The following STK32B variants were observed in gnomAD, a reference collection of about 807,000 sequenced individuals.
STK32B encodes serine/threonine kinase 32B, also known as serine/threonine-protein kinase 32B.
In STK32B, 43 loss-of-function variants were observed where a neutral mutation model predicts 52.6. The observed-to-expected ratio is 0.82, with a 90% CI of 0.64 to 1.05. STK32B has a LOEUF of 1.05. STK32B is among the 50% of genes least tolerant of loss of function. The pLI is 0.00. For synonymous variants in STK32B, 238 were observed against 204.3 expected (o/e 1.17, Z -1.41); for missense variants, 621 against 534.6 (o/e 1.16, Z -1.59).
chr4:5,098,129 C>T (rs552658880), intron 1 of STK32B, among the ~76,000 whole-genome samples: 2 of 152,368 alleles, frequency 1.3e-5, no homozygotes, highest in South Asian at 4.1e-4. Flanking sequence ...GTCTCCAATT[C>T]AGCCCAAATG....
At chr4:5,145,259 A>G (rs906115010) in intron 2 of STK32B, among the ~76,000 whole-genome samples, 2 of 152,200 alleles carry the variant, frequency 1.3e-5, no homozygotes, top group Non-Finnish European at 1.5e-5. Context: ...CCCACACATC[A>G]ATCCATCTTA....
intron 2 of STK32B, among the ~76,000 whole-genome samples, chr4:5,167,148 T>C (rs948974671): frequency 3.9e-5 from 6 of 152,134 alleles, no homozygotes; most frequent in African/African-American, 1.4e-4. Context: ...CCCCCTGGTT[T>C]TGATCCTGCG....
At chr4:5,322,339 G>A (rs935854582) in intron 3 of STK32B, among the ~76,000 whole-genome samples, 1 of 152,094 alleles carries the variant, frequency 6.6e-6, no homozygotes, top group East Asian at 1.9e-4. Context: ...CTCTCTTGCT[G>A]GCTGTTACAT....
At chr4:5,427,873 A>T (rs1490583036) in intron 6 of STK32B, among the ~76,000 whole-genome samples, 1 of 150,338 alleles carries the variant, frequency 6.7e-6, no homozygotes, top group Non-Finnish European at 1.5e-5. Context: ...GATTTTCTCT[A>T]TTATTTTTCT....
At chr4:5,189,772 C>A (rs947339911) in intron 3 of STK32B, among the ~76,000 whole-genome samples, 3 of 152,224 alleles carry the variant, frequency 2.0e-5, no homozygotes, top group Non-Finnish European at 4.4e-5. Flanking sequence ...GGATTCCCAC[C>A]AGGGAGGAAT....
At chr4:5,228,228 T>G (rs1724002986) in intron 3 of STK32B, among the ~76,000 whole-genome samples, 1 of 152,172 alleles carries the variant, frequency 6.6e-6, no homozygotes, top group Admixed American at 6.5e-5. Flanking sequence ...GCAAGTCCAG[T>G]CATATCTCTT....
chr4:5,352,435 A>G (rs1161938464), intron 4 of STK32B, among the ~76,000 whole-genome samples: 1 of 151,946 alleles, frequency 6.6e-6, no homozygotes, highest in Non-Finnish European at 1.5e-5. Flanking sequence ...GGCATAGAAG[A>G]AACATCCCTC....
the STK32B span, among the ~76,000 whole-genome samples, chr4:5,040,273 GTC>G: frequency 2.0e-5 from 3 of 152,100 alleles, no homozygotes; most frequent in African/African-American, 7.2e-5. Flanking sequence ...ACAAGTAGGT[GTC>G]TCTGCCACAC....
intron 3 of STK32B, among the ~76,000 whole-genome samples, chr4:5,298,530 TG>T (rs1390782891): frequency 6.6e-6 from 1 of 152,180 alleles, no homozygotes; most frequent in Non-Finnish European, 1.5e-5. Flanking sequence ...GCGGCTTTGC[TG>T]TGCTGCAGTG....
chr4:5,129,020 CTG>C (rs1715585239), intron 1 of STK32B, among the ~76,000 whole-genome samples: 1 of 152,186 alleles, frequency 6.6e-6, no homozygotes, highest in Non-Finnish European at 1.5e-5. Context: ...GCCTGTGAGA[CTG>C]TGGCCTTGAA....
At chr4:5,164,917 C>T (rs754225874) in intron 2 of STK32B, among the ~76,000 whole-genome samples, 8 of 152,140 alleles carry the variant, frequency 5.3e-5, no homozygotes, top group Non-Finnish European at 1.0e-4. Context: ...ATCTCCTGGT[C>T]AGGTTAATTA....
intron 3 of STK32B, among the ~76,000 whole-genome samples, chr4:5,217,712 T>C (rs2108792878): frequency 6.6e-6 from 1 of 152,294 alleles, no homozygotes; most frequent in Non-Finnish European, 1.5e-5. Flanking sequence ...GTCTCTTAAG[T>C]CTAATGTCTG....
chr4:5,316,838 TTA>T (rs1730888833), intron 3 of STK32B, among the ~76,000 whole-genome samples: 1 of 1,946 alleles, frequency 5.1e-4, no homozygotes. Context: ...ATATTATATA[TTA>T]TATATAATAT....
intron 3 of STK32B, among the ~76,000 whole-genome samples, chr4:5,180,184 C>G (rs1232333341): frequency 6.6e-6 from 1 of 152,188 alleles, no homozygotes; most frequent in East Asian, 1.9e-4. Flanking sequence ...TTCTCAGAGA[C>G]AGAAAGCAGG....
Position 5,460,301 on chromosome 4 carries a change from G to T in STK32B, c.909+73G>T, listed in dbSNP as rs1716935627. 9 of 1,540,140 alleles carry T rather than the reference G, an allele frequency of 5.8e-6. No homozygotes were observed. Among genetic ancestry groups the T allele is most frequent in the Non-Finnish European group, 7.9e-6 (9 of 1,144,008 alleles). ...CCGCCTTGGTGCAAAGCAAGACTTT[G>T]GCAGCTGGCTAGTGAGCCCTCTGCT... is the stretch of plus-strand genomic sequence containing the variant. On this transcript the variant is annotated intron_variant, in intron 9 of 11. Coordinates refer to ENST00000282908, the MANE Select transcript of STK32B (RefSeq NM_018401.3). The surrounding 1 kb of genome is among the most constrained non-coding windows in gnomAD (Gnocchi z 4.8).
At chr4:5,146,636 A>C (rs766966556) in intron 2 of STK32B, among the ~76,000 whole-genome samples, 8 of 152,202 alleles carry the variant, frequency 5.3e-5, no homozygotes, top group Non-Finnish European at 8.8e-5. Flanking sequence ...ACCCAGATAC[A>C]TCCAGAACCA....
chr4:5,354,541 C>G (rs1431946379), intron 4 of STK32B, among the ~76,000 whole-genome samples: 2 of 152,204 alleles, frequency 1.3e-5, no homozygotes, highest in Non-Finnish European at 2.9e-5. Flanking sequence ...GCTGGGATTA[C>G]AGGCGTGACC....
chr4:5,241,346 G>A lies in STK32B; in HGVS notation c.260+72896G>A, dbSNP rs12696680. 1.1e-3 allele frequency among the ~76,000 whole-genome samples: 167 copies of A among 151,920 alleles called. No individual in the cohort carries two copies. The Middle Eastern group carries it at 0.017, about 16-fold the overall frequency. On this transcript the variant is annotated intron_variant, in intron 3 of 11. Coordinates refer to ENST00000282908, the MANE Select transcript of STK32B (RefSeq NM_018401.3). ...CGTTGCCCCATGTACCATTATTTTC[G>A]TTTACAAAAACTTATGTAAATTGCA...
the STK32B span, among the ~76,000 whole-genome samples, chr4:5,041,982 G>A: frequency 2.6e-5 from 4 of 152,240 alleles, no homozygotes; most frequent in Non-Finnish European, 4.4e-5. Flanking sequence ...CACAGAAGAC[G>A]CCCTGCTCCA....
Sources: allele counts gnomAD v4.1 joint callset (sites outside exome capture counted in the v4.1 genomes callset), GRCh38; gene constraint gnomAD v4.1.1; non-coding constraint Gnocchi (gnomAD v3.1); transcripts MANE v1.5; gene names NCBI Gene and HGNC (gene_info 2026-07-23, HGNC 2026-07-21).